Variants in RIMS2 observed in about 807,000 individuals in gnomAD.
RIMS2 encodes regulating synaptic membrane exocytosis protein 2.
RIMS2 carries 59 observed loss-of-function variants against 174.4 expected under a neutral mutation model. The observed-to-expected ratio is 0.34, with a 90% CI of 0.27 to 0.42. The LOEUF is 0.42. Ranked by LOEUF, RIMS2 falls within the 10% of genes least tolerant of loss-of-function variation. The probability of loss-of-function intolerance (pLI) is 1.00; values close to 1 mark genes in which losing one functional copy is unlikely to be tolerated. For synonymous variants in RIMS2, 606 were observed against 572.5 expected (o/e 1.06, Z -0.84); for missense variants, 1,620 against 1,666.3 (o/e 0.97, Z 0.48).
At chr8:103,712,090 C>G (rs931014084) in intron 2 of RIMS2, among the ~76,000 whole-genome samples, 37 of 151,022 alleles carry the variant, frequency 2.4e-4, no homozygotes, top group Admixed American at 2.2e-3. Flanking sequence ...CTCATGGGTT[C>G]AAGGAATCCT....
At chr8:104,032,346 G>C (rs1338399935) in intron 19 of RIMS2, among the ~76,000 whole-genome samples, 1 of 152,002 alleles carries the variant, frequency 6.6e-6, no homozygotes, top group African/African-American at 2.4e-5. Flanking sequence ...TTGAAACAAA[G>C]TGTTTTTGTT....
At chr8:103,729,585 G>A (rs7003012) in intron 2 of RIMS2, among the ~76,000 whole-genome samples, 50,536 of 151,592 alleles carry the variant, frequency 0.33, 8,798 homozygotes, top group African/African-American at 0.43. Flanking sequence ...TATGATTTGT[G>A]TTATTACTTC....
In RIMS2 at chr8:103,595,761, G is replaced by C. The variant is rs537680855; in HGVS notation, c.176+94699G>C. On this transcript the variant is annotated intron_variant, in intron 1 of 23. Transcript: ENST00000504942. Reference sequence around the variant, plus strand: ...AGAGATGTAGTTGTTGCTAACCTTAGTGATTTACCTCAACCCTCCAAATAG... The same window carrying C: ...AGAGATGTAGTTGTTGCTAACCTTACTGATTTACCTCAACCCTCCAAATAG... Among the ~76,000 whole-genome samples, 22 of 152,040 alleles carry C rather than the reference G, an allele frequency of 1.4e-4. 1 individual carries two copies. The highest frequency in any genetic ancestry group is 4.1e-4 in the African/African-American group (17 of 41,546).
chr8:104,139,187 A>G (rs1375771250), intron 19 of RIMS2, among the ~76,000 whole-genome samples: 2 of 152,142 alleles, frequency 1.3e-5, no homozygotes, highest in Non-Finnish European at 2.9e-5. Context: ...TATAATTTGA[A>G]GTCAGATAAT....
chr8:104,182,223 A>C (rs2098944182), intron 19 of RIMS2, among the ~76,000 whole-genome samples: 1 of 151,846 alleles, frequency 6.6e-6, no homozygotes, highest in Admixed American at 6.6e-5. Context: ...TGTATATTCC[A>C]AATAATATTA....
intron 19 of RIMS2, among the ~76,000 whole-genome samples, chr8:104,015,610 C>CT (rs891274635): frequency 2.6e-5 from 4 of 151,806 alleles, no homozygotes; most frequent in Admixed American, 1.3e-4. Context: ...AAGTATTCAA[C>CT]TTTTTTTTAA....
At chr8:103,843,807 A>G (rs573156726) in intron 3 of RIMS2, among the ~76,000 whole-genome samples, 3 of 152,304 alleles carry the variant, frequency 2.0e-5, no homozygotes, top group African/African-American at 7.2e-5. Context: ...GAATCTTATA[A>G]AAATTTATGA....
intron 19 of RIMS2, among the ~76,000 whole-genome samples, chr8:104,214,599 C>G (rs996372932): frequency 1.3e-5 from 2 of 150,764 alleles, no homozygotes; most frequent in Non-Finnish European, 2.9e-5. Context: ...AGTTGCCCAC[C>G]ACCACACCCA....
chr8:104,174,537 A>C (rs1381261553), intron 19 of RIMS2, among the ~76,000 whole-genome samples: 1 of 152,196 alleles, frequency 6.6e-6, no homozygotes, highest in East Asian at 1.9e-4. Flanking sequence ...CAGGAGAAGC[A>C]GGAGAAGTGA....
intron 19 of RIMS2, among the ~76,000 whole-genome samples, chr8:104,071,998 CT>C (rs1048726789): frequency 2.0e-5 from 3 of 152,152 alleles, no homozygotes; most frequent in African/African-American, 7.2e-5. Context: ...ACTTATCACT[CT>C]GTTTTCTATT....
intron 1 of RIMS2, among the ~76,000 whole-genome samples, chr8:103,642,952 T>G (rs1235179980): frequency 6.6e-6 from 1 of 152,016 alleles, no homozygotes; most frequent in Non-Finnish European, 1.5e-5. Flanking sequence ...GTTTGGTGTT[T>G]GTCATTAATT....
At chr8:103,555,001 A>T (rs1218493434) in intron 1 of RIMS2, among the ~76,000 whole-genome samples, 2 of 152,154 alleles carry the variant, frequency 1.3e-5, no homozygotes, top group Non-Finnish European at 2.9e-5. Context: ...GGACACAATG[A>T]AGGGAATATC....
intron 2 of RIMS2, among the ~76,000 whole-genome samples, chr8:103,722,528 G>T (rs770078248): frequency 1.3e-5 from 2 of 152,050 alleles, no homozygotes; most frequent in African/African-American, 4.8e-5. Flanking sequence ...TTCACGATAG[G>T]ATTTGTGTTC....
intron 4 of RIMS2, among the ~76,000 whole-genome samples, chr8:103,909,736 A>G (rs1458683859): frequency 6.6e-6 from 1 of 152,044 alleles, no homozygotes; most frequent in Non-Finnish European, 1.5e-5. Flanking sequence ...ATCTTTGGAG[A>G]ACAAACTCAT....
intron 3 of RIMS2, among the ~76,000 whole-genome samples, chr8:103,830,655 T>C (rs1363020745): frequency 6.6e-6 from 1 of 152,222 alleles, no homozygotes; most frequent in Admixed American, 6.5e-5. Flanking sequence ...ATCTTCTGTC[T>C]CAGTGATTTT....
chr8:103,568,302 TA>T (rs1281189254), intron 1 of RIMS2, among the ~76,000 whole-genome samples: 24 of 152,048 alleles, frequency 1.6e-4, no homozygotes, highest in South Asian at 1.5e-3. Context: ...TGTTTCAAAA[TA>T]AAATAAGAAT....
chr8:103,831,483 G>C (rs77359958), intron 3 of RIMS2, among the ~76,000 whole-genome samples: 23,920 of 152,130 alleles, frequency 0.16, 1,989 homozygotes, highest in Middle Eastern at 0.24. Context: ...CAAGCCAGAC[G>C]CTAGGCTTCA....
intron 1 of RIMS2, among the ~76,000 whole-genome samples, chr8:103,683,825 G>A (rs971366184): frequency 6.6e-6 from 1 of 152,172 alleles, no homozygotes; most frequent in African/African-American, 2.4e-5. Flanking sequence ...CTGTAGTGGT[G>A]CTTGTTTTGT....
intron 16 of RIMS2, among the ~76,000 whole-genome samples, chr8:103,987,566 G>A (rs185036925): frequency 6.6e-6 from 1 of 152,228 alleles, no homozygotes; most frequent in Non-Finnish European, 1.5e-5. Flanking sequence ...TACATTAATA[G>A]CAGAAATAAG....
Sources: gnomAD v4.1 joint callset for allele counts (sites outside exome capture counted in the v4.1 genomes callset) on GRCh38, gnomAD v4.1.1 for gene constraint, MANE v1.5 for transcripts, NCBI Gene and HGNC (gene_info 2026-07-23, HGNC 2026-07-21) for gene names.